CRACD: variants seen among roughly 807,000 people sequenced by gnomAD.
The protein encoded by CRACD is capping protein inhibiting regulator of actin dynamics.
Under a neutral mutation model 106.8 loss-of-function variants are expected in CRACD, and 56 were observed. That is an observed-to-expected ratio of 0.52 (90% CI 0.42 to 0.66). The LOEUF (loss-of-function observed/expected upper bound fraction) is 0.66. CRACD is among the 30% of genes least tolerant of loss of function. CRACD has a pLI of 0.00. For missense variants in CRACD, 1,730 were observed against 1,623.2 expected (o/e 1.07, Z -1.13); for synonymous variants, 754 against 670.8 (o/e 1.12, Z -1.92).
intron 1 of CRACD, among the ~76,000 whole-genome samples, chr4:56,141,309 A>G (rs1011822801): frequency 1.3e-5 from 2 of 152,222 alleles, no homozygotes; most frequent in African/African-American, 2.4e-5. Context: ...AATGCCAAAC[A>G]GAGGACTGAC....
At chr4:56,056,224 C>T (rs1183776148) in intron 1 of CRACD, among the ~76,000 whole-genome samples, 2 of 152,098 alleles carry the variant, frequency 1.3e-5, no homozygotes, top group African/African-American at 2.4e-5. Flanking sequence ...GTTTACAGAT[C>T]GAATTCCACT....
rs189717701 is a variant in CRACD, at chr4:56,214,702, A to C, written c.-189+35272A>C. Among the ~76,000 whole-genome samples the C allele has an allele frequency of 3.2e-3, 250 of 77,006 alleles. 13 individuals carry two copies. In the East Asian group the frequency reaches 0.071, roughly 22 times the overall value. The allele number at this position is 77,006 out of a possible 152,430, so 50.5% of individuals were successfully genotyped here. ...CTCTCTATATATATATATATCAAAC[A>C]GTTATTTTTTTTTAAGAGACAGTGT... On this transcript the variant is annotated intron_variant, in intron 2 of 10. Transcript: ENST00000682029.
At chr4:56,179,960 T>C (rs1002352875) in intron 2 of CRACD, among the ~76,000 whole-genome samples, 3 of 151,708 alleles carry the variant, frequency 2.0e-5, no homozygotes, top group African/African-American at 7.3e-5. Flanking sequence ...GAAGTTGCAG[T>C]GAGCCAAGAT....
At chr4:56,258,692 G>A (rs1741515652) in intron 2 of CRACD, among the ~76,000 whole-genome samples, 1 of 152,198 alleles carries the variant, frequency 6.6e-6, no homozygotes, top group South Asian at 2.1e-4. Flanking sequence ...AGTGGGTAGA[G>A]CTTTGAGCAG....
At chr4:56,205,987 A>T (rs533204080) in intron 2 of CRACD, among the ~76,000 whole-genome samples, 1 of 152,364 alleles carries the variant, frequency 6.6e-6, no homozygotes, top group South Asian at 2.1e-4. Context: ...CTCTAGATCA[A>T]TCTGGAATTT....
intron 1 of CRACD, among the ~76,000 whole-genome samples, chr4:56,070,447 C>T (rs1732603965): frequency 6.6e-6 from 1 of 152,146 alleles, no homozygotes; most frequent in African/African-American, 2.4e-5. Flanking sequence ...CTACAGGCGC[C>T]CGCCATCGCA....
At chr4:56,218,433 C>T (rs527491823) in intron 2 of CRACD, among the ~76,000 whole-genome samples, 58 of 104,918 alleles carry the variant, frequency 5.5e-4, no homozygotes, top group African/African-American at 1.6e-3. Context: ...CTCCCTTCCC[C>T]TCCCTTTCCA....
At chr4:56,225,562 T>C (rs1254243712) in intron 2 of CRACD, among the ~76,000 whole-genome samples, 2 of 152,202 alleles carry the variant, frequency 1.3e-5, no homozygotes, top group Non-Finnish European at 2.9e-5. Flanking sequence ...TTCTCTTCCA[T>C]ATTTCTCTTT....
At chr4:56,254,144 T>TC (rs1741207524) in intron 2 of CRACD, among the ~76,000 whole-genome samples, 1 of 152,210 alleles carries the variant, frequency 6.6e-6, no homozygotes, top group Non-Finnish European at 1.5e-5. Context: ...TGGTCTGAGC[T>TC]ATTGTCTAAG....
intron 1 of CRACD, among the ~76,000 whole-genome samples, chr4:56,160,077 G>A (rs747361367): frequency 3.3e-5 from 5 of 151,852 alleles, no homozygotes; most frequent in Non-Finnish European, 5.9e-5. Context: ...CACTGTACCC[G>A]GCCAAAAATG....
intron 1 of CRACD, among the ~76,000 whole-genome samples, chr4:56,081,849 G>A (rs1395029398): frequency 3.3e-5 from 5 of 152,018 alleles, no homozygotes; most frequent in East Asian, 1.9e-4. Flanking sequence ...AGTGGTGCAC[G>A]CCCGTAATCC....
chr4:56,239,081 T>G (rs901267955), intron 2 of CRACD, among the ~76,000 whole-genome samples: 3 of 152,028 alleles, frequency 2.0e-5, no homozygotes, highest in African/African-American at 4.8e-5. Context: ...TCACTTGAGG[T>G]CAGGAATTCG....
At chr4:56,205,289 AC>A (rs1360658567) in intron 2 of CRACD, among the ~76,000 whole-genome samples, 5 of 152,010 alleles carry the variant, frequency 3.3e-5, no homozygotes, top group Non-Finnish European at 7.4e-5. Flanking sequence ...GTCCTTTAAA[AC>A]CCTGTATATG....
intron 3 of CRACD, among the ~76,000 whole-genome samples, chr4:56,285,099 A>G (rs920157172): frequency 6.6e-6 from 1 of 152,220 alleles, no homozygotes; most frequent in African/African-American, 2.4e-5. Context: ...ATGTCTTACC[A>G]TGGTGGAGCA....
chr4:56,186,781 G>A (rs1184234219), intron 2 of CRACD, among the ~76,000 whole-genome samples: 1 of 152,180 alleles, frequency 6.6e-6, no homozygotes, highest in Non-Finnish European at 1.5e-5. Flanking sequence ...AAGCCAGGGG[G>A]CCAGGCACGG....
intron 1 of CRACD, among the ~76,000 whole-genome samples, chr4:56,059,163 C>T (rs1258884382): frequency 6.6e-6 from 1 of 152,166 alleles, no homozygotes; most frequent in Non-Finnish European, 1.5e-5. Context: ...TCCAGCAAGG[C>T]TTGGTGGCGC....
rs61750793 is a variant in CRACD at position 56,315,463 on chromosome 4, C to G, written c.1961C>G (p.Pro654Arg). 29 of 1,612,948 alleles carry G rather than the reference C, an allele frequency of 1.8e-5. No individual in the cohort carries two copies. The East Asian group carries it at 4.5e-4, about 25-fold the overall frequency. ...DARAGSGKAK[P>R]RQESPSSASA... is the part of the protein sequence containing the mutation. Reference sequence around the variant, plus strand: ...AGGGCGGGCAGCGGGAAGGCTAAGCCCCGCCAGGAGTCTCCCAGCAGCGCG... The same window carrying G: ...AGGGCGGGCAGCGGGAAGGCTAAGCGCCGCCAGGAGTCTCCCAGCAGCGCG... Residue 654 changes from proline to arginine, a missense_variant, in exon 8 of 11, where the codon CCC (proline) becomes CGC (arginine). By Grantham distance (103) the Pro-to-Arg change is moderately radical. Around this residue, in one of 5 missense-constraint regions of CRACD, gnomAD observed 1,620 missense variants for 1,481.6 expected, o/e 1.09. Coordinates refer to ENST00000682029, the MANE Select transcript of CRACD (RefSeq NM_001393381.1). This position sits in a 1 kb window ranked among gnomAD's most constrained non-coding sequence, Gnocchi z 4.1.
chr4:56,107,581 A>G (rs1189839811), intron 1 of CRACD, among the ~76,000 whole-genome samples: 2 of 152,116 alleles, frequency 1.3e-5, no homozygotes, highest in Non-Finnish European at 2.9e-5. Flanking sequence ...CACCACTGGC[A>G]GTCCCATTGG....
intron 1 of CRACD, among the ~76,000 whole-genome samples, chr4:56,169,640 G>T (rs1295114033): frequency 3.3e-5 from 5 of 152,174 alleles, no homozygotes; most frequent in Admixed American, 1.3e-4. Context: ...GGGACTACAG[G>T]TGCACACCAC....
Sources: allele counts gnomAD v4.1 joint callset (sites outside exome capture counted in the v4.1 genomes callset), GRCh38; gene constraint gnomAD v4.1.1; regional missense constraint gnomAD v4.1.1; non-coding constraint Gnocchi (gnomAD v3.1); transcripts MANE v1.5; gene names NCBI Gene and HGNC (gene_info 2026-07-23, HGNC 2026-07-21).